EVA1A: variants seen among roughly 807,000 people sequenced by gnomAD.
EVA1A encodes eva-1 homolog A, regulator of programmed cell death.
A neutral mutation model predicts 9.8 loss-of-function variants in EVA1A; 7 were observed. That is an observed-to-expected ratio of 0.71 (90% CI 0.41 to 1.34). The LOEUF is 1.34. Among genes scored for constraint, EVA1A ranks in the 40% most tolerant of loss-of-function variants. The probability of loss-of-function intolerance (pLI) is 0.01; values close to 1 mark genes in which losing one functional copy is unlikely to be tolerated. For synonymous variants in EVA1A, 90 were observed against 85.6 expected, an observed-to-expected ratio of 1.05 and a Z score of -0.28; for missense variants, 206 against 205.9, an observed-to-expected ratio of 1.00 and a Z score of 0.00.
Position 75,559,659 on chromosome 2 carries a change from C to A in EVA1A, c.-192+1021G>T, listed in dbSNP as rs1481277532. ...ATAATCAAGGTATATTAGGTCAAAA[C>A]GGAAAAAGCCTGGTCCCTTGTACTA... is the stretch of plus-strand genomic sequence containing the variant. On this transcript the variant is annotated intron_variant, in intron 1 of 3. Coordinates refer to ENST00000393913, the MANE Select transcript of EVA1A (RefSeq NM_001135032.2). Among the ~76,000 whole-genome samples the A allele has an allele frequency of 4.0e-5, 5 of 126,022 alleles. No homozygotes were observed. The Admixed American group carries it at 5.7e-4, about 14-fold the overall frequency. 82.7% of individuals were successfully genotyped at this position (126,022 alleles called of 152,430 possible).
In EVA1A at chr2:75,547,363, C is replaced by T. The variant is rs73938961; in HGVS notation, c.-192+13317G>A. ...GTTAAATCTTAGCTCCATTTACCAGCGATACAGCTTTAGGCAAATGACTTG... is the reference window on the plus strand; with the variant it reads ...GTTAAATCTTAGCTCCATTTACCAGTGATACAGCTTTAGGCAAATGACTTG... On this transcript the variant is annotated intron_variant, in intron 1 of 3. Transcript: ENST00000393913. Among the ~76,000 whole-genome samples, 305 of 152,226 alleles carry T rather than the reference C, an allele frequency of 2.0e-3. 1 individual carries two copies. Among genetic ancestry groups the T allele is most frequent in the African/African-American group, 6.7e-3 (280 of 41,538 alleles).
chr2:75,494,666 GCCTGTGAGAAACCTTGAACCAAGGAA>G (rs1281123057), intron 3 of EVA1A, among the ~76,000 whole-genome samples: 1 of 152,170 alleles, frequency 6.6e-6, no homozygotes, highest in African/African-American at 2.4e-5. Context: ...CCTTGCAGTG[GCCTGTGAGAAACCTTGAACCAAGGAA>G]CCCAGCTAAG....
intron 3 of EVA1A, among the ~76,000 whole-genome samples, chr2:75,517,355 CAAAAG>C (rs565692477): frequency 1.7e-4 from 26 of 152,044 alleles, no homozygotes; most frequent in Non-Finnish European, 3.5e-4. Flanking sequence ...AAAACAAAAA[CAAAAG>C]AAAAGTATCA....
intron 3 of EVA1A, among the ~76,000 whole-genome samples, chr2:75,497,135 T>G (rs1284977714): frequency 6.6e-6 from 1 of 152,166 alleles, no homozygotes; most frequent in East Asian, 1.9e-4. Context: ...TGGCAAAGAA[T>G]TTATGACCAA....
intron 3 of EVA1A, among the ~76,000 whole-genome samples, chr2:75,513,093 T>C (rs1008318148): frequency 1.3e-5 from 2 of 152,134 alleles, no homozygotes; most frequent in African/African-American, 2.4e-5. Flanking sequence ...TTGGCAGCCA[T>C]GAGATGACAA....
intron 1 of EVA1A, among the ~76,000 whole-genome samples, chr2:75,538,706 C>T (rs576579053): frequency 8.5e-5 from 13 of 152,246 alleles, no homozygotes; most frequent in Middle Eastern, 3.4e-3. Context: ...TGGATGAATT[C>T]CAGAGGATTA....
At chr2:75,560,339 G>A (rs1676878977) in intron 1 of EVA1A, among the ~76,000 whole-genome samples, 1 of 152,194 alleles carries the variant, frequency 6.6e-6, no homozygotes, top group East Asian at 1.9e-4. Context: ...AGCTCCCAGA[G>A]GCACAGGAGA....
upstream of EVA1A, among the ~76,000 whole-genome samples, chr2:75,563,130 A>T (rs1676958151): frequency 6.6e-6 from 1 of 152,174 alleles, no homozygotes; most frequent in African/African-American, 2.4e-5. Context: ...ACTTATAAAC[A>T]TTGCCTCATT....
chr2:75,534,614 C>T (rs575739677), intron 1 of EVA1A, among the ~76,000 whole-genome samples: 1 of 152,146 alleles, frequency 6.6e-6, no homozygotes, highest in East Asian at 1.9e-4. Context: ...AATCTAAATA[C>T]ACCAATTAAA....
intron 2 of EVA1A, chr2:75,518,583 C>T: frequency 1.0e-6 from 1 of 991,298 alleles, no homozygotes; most frequent in Non-Finnish European, 1.2e-6. Flanking sequence ...ATTTTCCTGA[C>T]CTTTCTCCTT....
At chr2:75,519,032 A>G (rs543152845) in intron 2 of EVA1A, among the ~76,000 whole-genome samples, 4 of 152,310 alleles carry the variant, frequency 2.6e-5, no homozygotes, top group African/African-American at 9.6e-5. Context: ...CCATCCCACC[A>G]GGGATCAGAA....
intron 3 of EVA1A, among the ~76,000 whole-genome samples, chr2:75,508,506 G>T (rs1329452964): frequency 6.6e-6 from 1 of 152,068 alleles, no homozygotes; most frequent in South Asian, 2.1e-4. Context: ...GGTCAGACCG[G>T]TTGCTCTCAA....
chr2:75,493,556 C>A lies in EVA1A; in HGVS notation c.139G>T (p.Val47Leu). ...YFVSGVCIGL[V>L]LTLAALVIRI... ...ATCACCAGAGCAGCCAGGGTCAGCA[C>A]CAGCCCGATGCACACGCCAGAAACA... The change falls in exon 4 of 4, where the codon GTG becomes TTG. Residue 47 changes from valine (V) to leucine (L), a missense_variant. Val to Leu is a conservative substitution (Grantham distance 32). Coordinates refer to ENST00000393913, the MANE Select transcript of EVA1A (RefSeq NM_001135032.2). 1.9e-6 allele frequency: 3 copies of A among 1,613,938 alleles called. No homozygotes were observed. The highest frequency in any genetic ancestry group is 1.7e-5 in the Admixed American group (1 of 59,998).
At chr2:75,527,539 C>T (rs1425993399) in intron 1 of EVA1A, among the ~76,000 whole-genome samples, 1 of 152,180 alleles carries the variant, frequency 6.6e-6, no homozygotes, top group African/African-American at 2.4e-5. Flanking sequence ...CATCCCCATC[C>T]AGCAGTAAGG....
At chr2:75,504,054 C>T (rs149449260) in intron 3 of EVA1A, among the ~76,000 whole-genome samples, 72 of 152,190 alleles carry the variant, frequency 4.7e-4, no homozygotes, top group African/African-American at 1.6e-3. Flanking sequence ...AAGAGAATCA[C>T]GGGGTTTGTG....
intron 3 of EVA1A, among the ~76,000 whole-genome samples, chr2:75,502,659 A>G (rs142811581): frequency 0.014 from 2,170 of 152,264 alleles, 26 homozygotes; most frequent in Middle Eastern, 0.058. Flanking sequence ...TAGATGATAG[A>G]TACATACATA....
chr2:75,506,334 A>T (rs1674620650), intron 3 of EVA1A, among the ~76,000 whole-genome samples: 1 of 152,230 alleles, frequency 6.6e-6, no homozygotes, highest in Non-Finnish European at 1.5e-5. Context: ...CTTGATACAC[A>T]TTGCCAAGTG....
At chr2:75,557,703 C>G (rs1266335232) in intron 1 of EVA1A, among the ~76,000 whole-genome samples, 2 of 152,244 alleles carry the variant, frequency 1.3e-5, no homozygotes, top group Non-Finnish European at 2.9e-5. Context: ...AGTTAATCCT[C>G]TTCTAGCCCT....
At position 75,559,701 on chromosome 2, in the gene EVA1A, G is replaced by GGC. The variant is rs1349790549; in HGVS notation, c.-192+978_-192+979insGC. Reference sequence around the variant, plus strand: ...CTTGTACTATGAGAAAGGAGGTGGGGGGGGGGCGGGGGAGTTGGGGGGACG... The same window carrying GGC: ...CTTGTACTATGAGAAAGGAGGTGGGGGCGGGGGGCGGGGGAGTTGGGGGGACG... On this transcript the variant is annotated intron_variant, in intron 1 of 3. Transcript: ENST00000393913. Among the ~76,000 whole-genome samples the GGC allele has an allele frequency of 7.3e-5, 10 of 137,272 alleles. No individual in the cohort carries two copies. The South Asian group carries it at 2.8e-3, about 38-fold the overall frequency. The allele number at this position is 137,272 out of a possible 152,430, so 90.1% of individuals were successfully genotyped here. A position where few individuals can be genotyped will look rare whatever the true frequency, so the allele number is the denominator to read the frequency against.
Sources: allele counts gnomAD v4.1 joint callset (sites outside exome capture counted in the v4.1 genomes callset), GRCh38; gene constraint gnomAD v4.1.1; transcripts MANE v1.5; gene names NCBI Gene and HGNC (gene_info 2026-07-23, HGNC 2026-07-21).